Variants in DSCAM observed in about 807,000 individuals in gnomAD.
DSCAM encodes DS cell adhesion molecule, also known as cell adhesion molecule DSCAM.
In DSCAM, 47 loss-of-function variants were observed where a neutral mutation model predicts 217.7. The ratio of observed to expected loss-of-function variants is 0.22; its 90% CI spans 0.17 to 0.28. The LOEUF (loss-of-function observed/expected upper bound fraction) is 0.28. DSCAM is among the 10% of genes least tolerant of loss of function. The pLI is 1.00. For missense variants in DSCAM, 2,080 were observed against 2,618.3 expected (o/e 0.79, Z 4.49); for synonymous variants, 1,056 against 1,015.3 (o/e 1.04, Z -0.76).
At chr21:40,192,789 G>A (rs11702340) in intron 11 of DSCAM, among the ~76,000 whole-genome samples, 74,567 of 151,948 alleles carry the variant, frequency 0.49, 19,114 homozygotes, top group African/African-American at 0.65. Flanking sequence ...TGCAGCACAC[G>A]GATATACTGC....
intron 8 of DSCAM, among the ~76,000 whole-genome samples, chr21:40,324,103 C>CAAAAAAAAAAAAAAAAAAAAAA (rs71330393): frequency 1.4e-4 from 4 of 27,942 alleles, no homozygotes; most frequent in East Asian, 1.2e-3. Flanking sequence ...AACTCTGTCT[C>CAAAAAAAAAAAAAAAAAAAAAA]AAAAAAAAAA....
rs547357652 is a variant in DSCAM at position 40,672,931 on chromosome 21, T to A, written c.508+19879A>T. Among the ~76,000 whole-genome samples the A allele has an allele frequency of 9.8e-5, 15 of 152,312 alleles. No individual in the cohort carries two copies. In the South Asian group the frequency reaches 3.1e-3, roughly 32 times the overall value. On this transcript the variant is annotated intron_variant, in intron 3 of 32. Transcript: ENST00000400454. Reference sequence around the variant, plus strand: ...GCCTCCTACTAGTCATCTAATGGTATGTTTGCTCTCCCCCGCACTTTTCTC... The same window carrying A: ...GCCTCCTACTAGTCATCTAATGGTAAGTTTGCTCTCCCCCGCACTTTTCTC...
intron 3 of DSCAM, among the ~76,000 whole-genome samples, chr21:40,375,350 C>A (rs895095013): frequency 6.6e-6 from 1 of 152,240 alleles, no homozygotes; most frequent in African/African-American, 2.4e-5. Context: ...GACCTAACCA[C>A]TTATGATGGT....
intron 3 of DSCAM, among the ~76,000 whole-genome samples, chr21:40,492,489 C>A (rs7278429): frequency 6.6e-6 from 1 of 151,886 alleles, no homozygotes; most frequent in Admixed American, 6.6e-5. Context: ...AAACAATTCA[C>A]TGAGATCAGG....
intron 1 of DSCAM, among the ~76,000 whole-genome samples, chr21:40,843,787 CTTCT>C (rs1260427442): frequency 2.9e-4 from 38 of 130,814 alleles, no homozygotes; most frequent in African/African-American, 6.6e-4. Flanking sequence ...TCACTGACTT[CTTCT>C]TTTTTTTTTT....
intron 3 of DSCAM, among the ~76,000 whole-genome samples, chr21:40,516,906 T>TATATATATATAC (rs1555849637): frequency 3.2e-4 from 46 of 145,574 alleles, no homozygotes; most frequent in East Asian, 6.0e-4. Flanking sequence ...TATATATATA[T>TATATATATATAC]ACACACACAC....
At chr21:40,098,976 A>G (rs934849577) in intron 20 of DSCAM, among the ~76,000 whole-genome samples, 3 of 152,196 alleles carry the variant, frequency 2.0e-5, no homozygotes, top group African/African-American at 7.2e-5. Flanking sequence ...TGATAAACCA[A>G]AGAGACAATC....
chr21:40,081,611 C>T (rs1601311397), intron 24 of DSCAM, among the ~76,000 whole-genome samples: 1 of 152,146 alleles, frequency 6.6e-6, no homozygotes, highest in East Asian at 1.9e-4. Flanking sequence ...GCCTGTATTC[C>T]AGCCGCCCTA....
intron 3 of DSCAM, among the ~76,000 whole-genome samples, chr21:40,607,500 G>A: frequency 6.6e-6 from 1 of 150,484 alleles, no homozygotes; most frequent in East Asian, 2.0e-4. Flanking sequence ...ATGAAAAGAA[G>A]CATGATATGG....
chr21:40,755,519 A>G (rs1045532296), intron 1 of DSCAM, among the ~76,000 whole-genome samples: 2 of 152,120 alleles, frequency 1.3e-5, no homozygotes, highest in African/African-American at 4.8e-5. Context: ...GAGGAATCTT[A>G]GATTTGAGGG....
rs562656984 is a variant in DSCAM, at chr21:40,701,970, G to GT, written c.361+6483dup. 2.3e-3 allele frequency among the ~76,000 whole-genome samples: 352 copies of GT among 152,090 alleles called. 1 individual carries two copies. The highest frequency in any genetic ancestry group is 8.2e-3 in the African/African-American group (340 of 41,528). On this transcript the variant is annotated intron_variant, in intron 2 of 32. Coordinates refer to ENST00000400454, the MANE Select transcript of DSCAM (RefSeq NM_001389.5). ...AATTGATTGATAGTGTCATTCACGTGTTTTTTTGTTCTTACTGATTTTCTG... is the reference window on the plus strand; with the variant it reads ...AATTGATTGATAGTGTCATTCACGTGTTTTTTTTGTTCTTACTGATTTTCTG...
At chr21:40,432,929 C>T (rs949159625) in intron 3 of DSCAM, among the ~76,000 whole-genome samples, 3 of 152,104 alleles carry the variant, frequency 2.0e-5, no homozygotes, top group South Asian at 2.1e-4. Flanking sequence ...GTTGACCCAT[C>T]GCTTCTCGTT....
At chr21:40,333,669 C>T (rs2074399793) in intron 8 of DSCAM, among the ~76,000 whole-genome samples, 1 of 152,198 alleles carries the variant, frequency 6.6e-6, no homozygotes, top group Non-Finnish European at 1.5e-5. Context: ...CTTAAATGTT[C>T]AGAAGTCATT....
chr21:40,758,057 C>A (rs2091293556), intron 1 of DSCAM, among the ~76,000 whole-genome samples: 1 of 152,060 alleles, frequency 6.6e-6, no homozygotes, highest in Non-Finnish European at 1.5e-5. Context: ...TGGACAAAGA[C>A]CCAGAGAGGC....
intron 21 of DSCAM, among the ~76,000 whole-genome samples, chr21:40,090,912 T>C (rs2089600592): frequency 6.6e-6 from 1 of 152,178 alleles, no homozygotes; most frequent in Non-Finnish European, 1.5e-5. Flanking sequence ...TCTTCCATGG[T>C]CTTCTTCATC....
rs149261652 is a variant in DSCAM at position 40,016,807 on chromosome 21, C to T, written c.5687-3421G>A. On this transcript the variant is annotated intron_variant, in intron 32 of 32. Transcript: ENST00000400454. This position sits in a 1 kb window ranked among gnomAD's most constrained non-coding sequence, Gnocchi z 4.3. ...AAGTTTACCCACAGAAAAAGAACAA[C>T]CAGCATAACAGAAGGAAAGGACTAT... Among the ~76,000 whole-genome samples, 368 of 152,288 alleles carry T rather than the reference C, an allele frequency of 2.4e-3. 2 individuals are homozygous for T. Among genetic ancestry groups the T allele is most frequent in the Middle Eastern group, 3.4e-3 (1 of 294 alleles).
In DSCAM at chr21:40,144,616, T is replaced by C; in HGVS notation, c.3134A>G (p.Asp1045Gly). The change falls in exon 17 of 33, where the codon GAC becomes GGC. Residue 1045 changes from aspartate (D) to glycine (G), a missense_variant. By Grantham distance (94) the Asp-to-Gly change is moderately conservative (BLOSUM62 -1). Coordinates refer to ENST00000400454, the MANE Select transcript of DSCAM (RefSeq NM_001389.5). This position sits in a 1 kb window ranked among gnomAD's most constrained non-coding sequence, Gnocchi z 4.8. ...GTTGTCCAGGGTGTAAACCTCACTG[T>C]CCCCGCTGGTGTCGACACTGATAAT... ...FNIISVDTSGDSEVYTLDNLN... is the reference protein window; with the variant it reads ...FNIISVDTSGGSEVYTLDNLN... The C allele has an allele frequency of 6.2e-7, 1 of 1,614,034 alleles. No homozygotes were observed. Among genetic ancestry groups the C allele is most frequent in the South Asian group, 1.1e-5 (1 of 91,052 alleles).
At chr21:40,558,669 A>T (rs554281192) in intron 3 of DSCAM, among the ~76,000 whole-genome samples, 1 of 152,348 alleles carries the variant, frequency 6.6e-6, no homozygotes, top group Non-Finnish European at 1.5e-5. Context: ...ATCAATAAAA[A>T]TATTAGATAC....
At chr21:40,570,786 A>G (rs1273061974) in intron 3 of DSCAM, among the ~76,000 whole-genome samples, 2 of 150,522 alleles carry the variant, frequency 1.3e-5, no homozygotes, top group African/African-American at 5.0e-5. Flanking sequence ...GACATAGAAG[A>G]GAAAAGAATC....
Sources: allele counts gnomAD v4.1 joint callset (sites outside exome capture counted in the v4.1 genomes callset), GRCh38; gene constraint gnomAD v4.1.1; non-coding constraint Gnocchi (gnomAD v3.1); transcripts MANE v1.5; gene names NCBI Gene and HGNC (gene_info 2026-07-23, HGNC 2026-07-21).